The following DNAH9 variants were observed in gnomAD, a reference collection of about 807,000 sequenced individuals.
The protein encoded by DNAH9 is DNAH9 variant protein.
Under a neutral mutation model 471.6 loss-of-function variants are expected in DNAH9, and 345 were observed. The observed-to-expected ratio is 0.73, with a 90% confidence interval of 0.67 to 0.80. The LOEUF (loss-of-function observed/expected upper bound fraction) is 0.80, where lower values mean the gene tolerates loss of function less well. DNAH9 is among the 30% of genes least tolerant of loss of function. DNAH9 has a pLI of 0.00. For missense variants in DNAH9, 5,407 were observed against 5,609.2 expected, an observed-to-expected ratio of 0.96 and a Z score of 1.15; for synonymous variants, 2,093 against 2,123.6, an observed-to-expected ratio of 0.99 and a Z score of 0.40.
intron 59 of DNAH9, among the ~76,000 whole-genome samples, chr17:11,899,876 C>T (rs751375108): frequency 6.6e-6 from 1 of 152,158 alleles, no homozygotes; most frequent in East Asian, 1.9e-4. Flanking sequence ...GTGCCAGGCA[C>T]CCTGCTAGGT....
chr17:11,902,411 A>G (rs764713234), intron 59 of DNAH9, among the ~76,000 whole-genome samples: 2 of 152,212 alleles, frequency 1.3e-5, no homozygotes, highest in Non-Finnish European at 2.9e-5. Flanking sequence ...CAGAATAACC[A>G]TAATGCCCCT....
chr17:11,937,585 C>A lies in DNAH9; in HGVS notation c.12660+63C>A. 2 of 1,513,346 alleles carry A rather than the reference C, an allele frequency of 1.3e-6. No homozygotes were observed. The highest frequency in any genetic ancestry group is 1.8e-6 in the Non-Finnish European group (2 of 1,125,904). The allele number at this position is 1,513,346 out of a possible 1,614,324, so 93.7% of individuals were successfully genotyped here. A position where few individuals can be genotyped will look rare whatever the true frequency, so the allele number is the denominator to read the frequency against. On this transcript the variant is annotated intron_variant, in intron 66 of 68. Transcript: ENST00000262442. The surrounding 1 kb of genome is among the most constrained non-coding windows in gnomAD (Gnocchi z 4.1). ...GACCCCGAGGATCATAGATGCACAC[C>A]TTTCTCCTGCTGGCCATTTTGGCAG...
At chr17:11,730,379 C>T (rs1451552741) in intron 28 of DNAH9, among the ~76,000 whole-genome samples, 2 of 152,202 alleles carry the variant, frequency 1.3e-5, no homozygotes, top group Admixed American at 6.5e-5. Flanking sequence ...TTTACCAGCA[C>T]ACCTCTGCCT....
chr17:11,626,153 T>C lies in DNAH9; in HGVS notation c.1351-3264T>C, dbSNP rs1170524210. Among the ~76,000 whole-genome samples, 1 of 152,298 alleles carries C rather than the reference T, an allele frequency of 6.6e-6. No individual in the cohort carries two copies. The highest frequency in any genetic ancestry group is 2.1e-4 in the South Asian group (1 of 4,828). On this transcript the variant is annotated intron_variant, in intron 6 of 68. Transcript: ENST00000262442. This position sits in a 1 kb window ranked among gnomAD's most constrained non-coding sequence, Gnocchi z 4.3. ...AATGCCATATGTTGTGTCTCTGAAG[T>C]GGATATTTCAGCCGGTGTATAACAT...
intron 44 of DNAH9, among the ~76,000 whole-genome samples, chr17:11,809,877 G>C (rs189632290): frequency 3.3e-5 from 5 of 152,186 alleles, no homozygotes; most frequent in African/African-American, 1.2e-4. Flanking sequence ...ACAGATAAAT[G>C]GGGGACCACC....
chr17:11,690,002 G>C lies in DNAH9; in HGVS notation c.4180G>C (p.Gly1394Arg). ...CTGGAGGCAGCTGATGCAGGCCACCGGTGTGAGCTTCACTATGGACCAGGA... is the reference window on the plus strand; with the variant it reads ...CTGGAGGCAGCTGATGCAGGCCACCCGTGTGAGCTTCACTATGGACCAGGA... ...RHWRQLMQAT[G>R]VSFTMDQDTT... Residue 1394 changes from glycine to arginine, a missense_variant, in exon 20 of 69, where the codon GGT (glycine) becomes CGT (arginine). By Grantham distance (125) the Gly-to-Arg change is moderately radical. Transcript: ENST00000262442. 6.2e-7 allele frequency: 1 copy of C among 1,614,122 alleles called. No homozygotes were observed. Among genetic ancestry groups the C allele is most frequent in the Non-Finnish European group, 8.5e-7 (1 of 1,180,024 alleles).
chr17:11,921,243 A>AT (rs113084157), intron 61 of DNAH9, among the ~76,000 whole-genome samples: 79 of 100,840 alleles, frequency 7.8e-4, no homozygotes, highest in Non-Finnish European at 1.0e-3. Flanking sequence ...AAAAAAGGTG[A>AT]TTTTTTTTTT....
intron 16 of DNAH9, 49 bp downstream of exon 16, chr17:11,669,309 G>A (rs758868853): frequency 3.6e-5 from 57 of 1,594,882 alleles, no homozygotes; most frequent in Non-Finnish European, 4.1e-5. Context: ...CCGTCCAGCC[G>A]AATCTCGAAC....
At chr17:11,778,900 G>A (rs1388482181) in intron 38 of DNAH9, among the ~76,000 whole-genome samples, 1 of 152,052 alleles carries the variant, frequency 6.6e-6, no homozygotes, top group Non-Finnish European at 1.5e-5. Context: ...CAGCTACTTG[G>A]GAGGCTGAGG....
chr17:11,920,035 CTTT>C (rs1165405913), intron 61 of DNAH9, among the ~76,000 whole-genome samples: 8 of 135,924 alleles, frequency 5.9e-5, no homozygotes, highest in Non-Finnish European at 4.8e-5. Flanking sequence ...TAAGTTCTTT[CTTT>C]TTTTTTTTTT....
intron 17 of DNAH9, among the ~76,000 whole-genome samples, chr17:11,670,841 T>A (rs2150730012): frequency 6.6e-6 from 1 of 152,218 alleles, no homozygotes; most frequent in South Asian, 2.1e-4. Flanking sequence ...GTAGCTGAGA[T>A]TACAGGCATG....
chr17:11,842,641 A>G (rs1323610190), intron 49 of DNAH9, among the ~76,000 whole-genome samples: 1 of 152,226 alleles, frequency 6.6e-6, no homozygotes, highest in African/African-American at 2.4e-5. Flanking sequence ...CCAAAGCCTG[A>G]AGAACTTGGC....
At chr17:11,697,053 T>TA in intron 22 of DNAH9, among the ~76,000 whole-genome samples, 1 of 152,106 alleles carries the variant, frequency 6.6e-6, no homozygotes, top group Non-Finnish European at 1.5e-5. Flanking sequence ...AAATTCTTTG[T>TA]AGAGACGGGG....
chr17:11,617,478 G>T lies in DNAH9; in HGVS notation c.972G>T (p.Glu324Asp), dbSNP rs547925054. 2.2e-5 allele frequency: 35 copies of T among 1,614,160 alleles called. No homozygotes were observed. In the South Asian group the frequency reaches 3.7e-4, roughly 17 times the overall value. The change falls in exon 5 of 69, where the codon GAG becomes GAT. Residue 324 changes from glutamate (E) to aspartate (D), a missense_variant. Glu to Asp is a conservative substitution (Grantham distance 45, BLOSUM62 2). Transcript: ENST00000262442. ...IPLQRHLEAL[E>D]NAEFPEVKPQ... is the part of the protein sequence containing the mutation. ...TCCAGCGCCACCTGGAAGCTCTGGA[G>T]AATGCAGAATTTCCGGAGGTGAAGC...
chr17:11,723,896 A>T (rs995161745), intron 27 of DNAH9, among the ~76,000 whole-genome samples: 1 of 151,936 alleles, frequency 6.6e-6, no homozygotes, highest in Admixed American at 6.6e-5. Flanking sequence ...GATGGTCTGG[A>T]TCTCCTGACC....
intron 14 of DNAH9, among the ~76,000 whole-genome samples, chr17:11,662,531 C>T (rs2073787840): frequency 6.6e-6 from 1 of 151,888 alleles, no homozygotes; most frequent in Non-Finnish European, 1.5e-5. Flanking sequence ...AGATTATTTT[C>T]TGAATCTGTT....
chr17:11,960,435 T>TAAAAAACAAAAAA (rs1976005585), intron 67 of DNAH9, among the ~76,000 whole-genome samples: 1 of 54,060 alleles, frequency 1.8e-5, no homozygotes, highest in Non-Finnish European at 3.3e-5. Flanking sequence ...GACTCTGTCT[T>TAAAAAACAAAAAA]AAAAAAAAAA....
At chr17:11,652,539 C>G (rs1018676449) in intron 13 of DNAH9, among the ~76,000 whole-genome samples, 2 of 152,042 alleles carry the variant, frequency 1.3e-5, no homozygotes, top group African/African-American at 4.8e-5. Flanking sequence ...CCCACCTCGG[C>G]CTCCCAAAGT....
At chr17:11,887,033 T>C (rs1000778610) in intron 57 of DNAH9, 68 bp downstream of exon 57, 96 of 1,508,154 alleles carry the variant, frequency 6.4e-5, no homozygotes, top group Middle Eastern at 1.8e-4. Context: ...TGCAGCTCTC[T>C]GTGAGAGCTT....
Sources: allele counts gnomAD v4.1 joint callset (sites outside exome capture counted in the v4.1 genomes callset), GRCh38; gene constraint gnomAD v4.1.1; non-coding constraint Gnocchi (gnomAD v3.1); transcripts MANE v1.5; gene names NCBI Gene and HGNC (gene_info 2026-07-23, HGNC 2026-07-21).